CFAP47: variants seen among roughly 807,000 people sequenced by gnomAD.
CFAP47 encodes cilia- and flagella-associated protein 47.
CFAP47 carries 29 observed loss-of-function variants against 148.1 expected under a neutral mutation model. The ratio of observed to expected loss-of-function variants is 0.20; its 90% CI spans 0.15 to 0.27. The LOEUF (loss-of-function observed/expected upper bound fraction) is 0.27, where lower values mean the gene tolerates loss of function less well. Ranked by LOEUF, CFAP47 falls within the 10% of genes least tolerant of loss-of-function variation. The pLI is 1.00. For synonymous variants in CFAP47, 664 were observed against 577.3 expected (o/e 1.15, Z -2.15); for missense variants, 1,872 against 1,697.5 (o/e 1.10, Z -1.81).
chrX:36,268,432 A>C (rs1424034195), intron 49 of CFAP47, among the ~76,000 whole-genome samples: 3 of 112,613 alleles, frequency 2.7e-5, no homozygotes, highest in Non-Finnish European at 5.6e-5. Flanking sequence ...ACTCACTTGT[A>C]ATTTTTGATT....
In CFAP47 at chrX:35,972,578, T is replaced by TTCTATC. The variant is rs201873678; in HGVS notation, c.2254+618_2254+619insCTCTAT. Among the ~76,000 whole-genome samples, 654 of 111,628 alleles carry TTCTATC rather than the reference T, an allele frequency of 5.9e-3. 7 individuals are homozygous for TTCTATC. The highest frequency in any genetic ancestry group is 0.02 in the African/African-American group (626 of 30,705). ...TGCCTCAGACAACCATTAATCAACT[T>TTCTATC]TCTATACAGTTGCCTATTCTGAAAA... is the stretch of plus-strand genomic sequence containing the variant. On this transcript the variant is annotated intron_variant, in intron 13 of 63. Transcript: ENST00000378653.
intron 63 of CFAP47, among the ~76,000 whole-genome samples, chrX:36,382,656 A>G (rs953545524): frequency 6.2e-4 from 69 of 111,345 alleles, no homozygotes; most frequent in Middle Eastern, 9.3e-3. Context: ...ATATATATAC[A>G]GCTTTGGTTA....
intron 49 of CFAP47, among the ~76,000 whole-genome samples, chrX:36,271,304 C>T (rs10522037): frequency 0.11 from 12,030 of 111,346 alleles, 882 homozygotes; most frequent in African/African-American, 0.26. Flanking sequence ...GGTTCACAAA[C>T]TGATGAAATT....
chrX:36,001,776 A>T, intron 21 of CFAP47, 69 bp downstream of exon 21: 1 of 271,545 alleles, frequency 3.7e-6, no homozygotes, highest in Non-Finnish European at 6.5e-6. Flanking sequence ...CCTATTAAAG[A>T]TCACCCAAGA....
intron 35 of CFAP47, among the ~76,000 whole-genome samples, chrX:36,142,079 A>G (rs1939151963): frequency 8.9e-6 from 1 of 112,373 alleles, no homozygotes; most frequent in Admixed American, 9.5e-5. Context: ...AGAAAGGGGA[A>G]AATGATTGTT....
chrX:35,985,784 A>C (rs946346408), intron 15 of CFAP47, among the ~76,000 whole-genome samples: 2 of 111,625 alleles, frequency 1.8e-5, no homozygotes, highest in African/African-American at 6.5e-5. Flanking sequence ...CTAGAGGATC[A>C]CTGTAAGCCT....
chrX:36,201,796 G>A (rs186063129), intron 44 of CFAP47, among the ~76,000 whole-genome samples: 31 of 110,526 alleles, frequency 2.8e-4, no homozygotes, highest in African/African-American at 1.0e-3. Context: ...TTAAAATAAT[G>A]CCCATACCCA....
At chrX:36,336,633 A>G (rs921542747) in intron 57 of CFAP47, among the ~76,000 whole-genome samples, 8 of 111,926 alleles carry the variant, frequency 7.1e-5, no homozygotes, top group African/African-American at 2.6e-4. Flanking sequence ...GCTAATAACC[A>G]GAGCTCAACT....
At chrX:35,988,902 T>C (rs745799297) in intron 15 of CFAP47, among the ~76,000 whole-genome samples, 1 of 112,136 alleles carries the variant, frequency 8.9e-6, no homozygotes, top group East Asian at 2.8e-4. Flanking sequence ...GAAAGCTGAA[T>C]GAATGATGCT....
intron 21 of CFAP47, among the ~76,000 whole-genome samples, chrX:36,009,431 G>A (rs975056154): frequency 5.4e-5 from 6 of 111,813 alleles, no homozygotes; most frequent in Non-Finnish European, 1.1e-4. Flanking sequence ...ATCAAGCAAA[G>A]TTGTTGTTGT....
At chrX:35,983,423 C>G (rs761441153) in intron 15 of CFAP47, among the ~76,000 whole-genome samples, 1 of 111,868 alleles carries the variant, frequency 8.9e-6, no homozygotes, top group East Asian at 2.8e-4. Context: ...ATCTCTTCCT[C>G]TTTGGATGTC....
chrX:36,208,293 A>C (rs1395077384), intron 45 of CFAP47, among the ~76,000 whole-genome samples: 1 of 111,770 alleles, frequency 8.9e-6, no homozygotes, highest in Non-Finnish European at 1.9e-5. Context: ...AAATATGTAG[A>C]AAATATTTAT....
intron 1 of CFAP47, among the ~76,000 whole-genome samples, chrX:35,924,364 TATATGTGCATATATGCACAC>T (rs1196643169): frequency 1.9e-5 from 2 of 106,538 alleles, no homozygotes; most frequent in African/African-American, 7.1e-5. Context: ...TGTATATATG[TATATGTGCATATATGCACAC>T]ATATGTGTAT....
chrX:36,019,452 AC>A (rs1349986719), intron 22 of CFAP47, among the ~76,000 whole-genome samples: 1 of 111,450 alleles, frequency 9.0e-6, no homozygotes, highest in Non-Finnish European at 1.9e-5. Context: ...ATATAAGTAA[AC>A]AGTTTGGTAA....
At chrX:36,098,010 T>C (rs1241793288) in intron 30 of CFAP47, among the ~76,000 whole-genome samples, 1 of 111,791 alleles carries the variant, frequency 8.9e-6, no homozygotes, top group Non-Finnish European at 1.9e-5. Context: ...TTATTCTTTC[T>C]TTTTTTGTGT....
intron 1 of CFAP47, among the ~76,000 whole-genome samples, chrX:35,923,520 T>C (rs1367750666): frequency 9.0e-6 from 1 of 111,433 alleles, no homozygotes; most frequent in Non-Finnish European, 1.9e-5. Flanking sequence ...GGATAAAGCA[T>C]ATAAAATATA....
chrX:36,249,932 T>A (rs73629596), intron 48 of CFAP47, among the ~76,000 whole-genome samples: 1 of 111,531 alleles, frequency 9.0e-6, no homozygotes, highest in African/African-American at 3.2e-5. Flanking sequence ...TTGGTGATGA[T>A]GTGGATAAAG....
In CFAP47 at chrX:36,384,908, C is replaced by T. The variant is rs782728725; in HGVS notation, c.9466C>T (p.Pro3156Ser). ...TACTCACAAGACACATGACAACATG[C>T]CAGTCCGTCCACATAATTTTGTCCG... ...DATHKTHDNM[P>S]VRPHNFVREN... Residue 3156 changes from proline to serine, a missense_variant, in exon 64 of 64, where the codon CCA (proline) becomes TCA (serine). Physicochemically the swap from Pro to Ser is moderately conservative, Grantham distance 74. Coordinates refer to ENST00000378653, the MANE Select transcript of CFAP47 (RefSeq NM_001304548.2). 3.4e-6 allele frequency: 4 copies of T among 1,163,331 alleles called. No individual in the cohort carries two copies. Among genetic ancestry groups the T allele is most frequent in the Non-Finnish European group, 4.6e-6 (4 of 870,354 alleles).
intron 44 of CFAP47, among the ~76,000 whole-genome samples, chrX:36,204,253 C>A (rs782717172): frequency 2.4e-4 from 27 of 111,473 alleles, no homozygotes; most frequent in African/African-American, 8.5e-4. Context: ...TCTTTAGTTT[C>A]ATTAGATCCC....
Sources: gnomAD v4.1 joint callset for allele counts (sites outside exome capture counted in the v4.1 genomes callset) on GRCh38, gnomAD v4.1.1 for gene constraint, MANE v1.5 for transcripts, NCBI Gene and HGNC (gene_info 2026-07-23, HGNC 2026-07-21) for gene names.